PKD1L1: variants seen among roughly 807,000 people sequenced by gnomAD.
The protein encoded by PKD1L1 is polycystin 1 like 1, transient receptor potential channel interacting.
A neutral mutation model predicts 323.4 loss-of-function variants in PKD1L1; 236 were observed. The observed-to-expected ratio is 0.73, with a 90% confidence interval of 0.66 to 0.81. The LOEUF (loss-of-function observed/expected upper bound fraction) is 0.81, where lower values mean the gene tolerates loss of function less well. PKD1L1 is among the 40% of genes least tolerant of loss of function. The probability of loss-of-function intolerance (pLI) is 0.00; values close to 1 mark genes in which losing one functional copy is unlikely to be tolerated. For missense variants in PKD1L1, 3,320 were observed against 3,508.0 expected, an observed-to-expected ratio of 0.95 and a Z score of 1.35; for synonymous variants, 1,344 against 1,335.0, an observed-to-expected ratio of 1.01 and a Z score of -0.15.
Position 47,943,385 on chromosome 7 carries a change from C to A in PKD1L1, c.160+11G>T, listed in dbSNP as rs764105654. Reference sequence around the variant, plus strand: ...ATCATGGTGGCCATGCCTCCTTCCCCAAGGCCTTACCGACCCACAATCCAC... The same window carrying A: ...ATCATGGTGGCCATGCCTCCTTCCCAAAGGCCTTACCGACCCACAATCCAC... On this transcript the variant is annotated intron_variant, in intron 2 of 56. Transcript: ENST00000289672. 1 of 1,609,316 alleles carries A rather than the reference C, an allele frequency of 6.2e-7. No homozygotes were observed. The highest frequency in any genetic ancestry group is 8.5e-7 in the Non-Finnish European group (1 of 1,176,390).
rs1473753103 is a variant in PKD1L1 at position 47,808,281 on chromosome 7, A to T, written c.7793T>A (p.Phe2598Tyr). 2 of 1,614,014 alleles carry T rather than the reference A, an allele frequency of 1.2e-6. No individual in the cohort carries two copies. Among genetic ancestry groups the T allele is most frequent in the Non-Finnish European group, 1.7e-6 (2 of 1,180,042 alleles). ...NQFHRGLCRA[F>Y]MDLTLMASWN... ...TGATGCCATAAGGGTGAGGTCCATA[A>T]ATGCTCGGCAAAGTCCTCTGTGAAA... Residue 2598 changes from phenylalanine to tyrosine, a missense_variant, in exon 52 of 57, where the codon TTT becomes TAT. By Grantham distance (22) the Phe-to-Tyr change is conservative (BLOSUM62 3). Transcript: ENST00000289672.
chr7:47,880,582 C>T, intron 21 of PKD1L1, 146 bp downstream of exon 21: 1 of 357,648 alleles, frequency 2.8e-6, no homozygotes. Context: ...GTGCCCAGCC[C>T]TATATATATG....
chr7:47,891,764 G>A (rs1360325036), intron 15 of PKD1L1, among the ~76,000 whole-genome samples: 2 of 152,220 alleles, frequency 1.3e-5, no homozygotes, highest in Non-Finnish European at 2.9e-5. Context: ...CACACATGGA[G>A]CTCTTGTTTT....
In PKD1L1 at chr7:47,885,886, G is replaced by A; in HGVS notation, c.3005C>T (p.Thr1002Ile). Residue 1002 changes from threonine (T) to isoleucine (I), a missense_variant, in exon 18 of 57, where the codon ACT (threonine) becomes ATT (isoleucine). Thr to Ile is a moderately conservative substitution (Grantham distance 89). Coordinates refer to ENST00000289672, the MANE Select transcript of PKD1L1 (RefSeq NM_138295.5). ...PSPVTLGQPA[T>I]SAPRGTPTEP... is the part of the protein sequence containing the mutation. ...TGTGGGGGTTCCCCTTGGAGCTGAAGTGGCAGGTTGGCCAAGGGTCACGGG... is the reference window on the plus strand; with the variant it reads ...TGTGGGGGTTCCCCTTGGAGCTGAAATGGCAGGTTGGCCAAGGGTCACGGG... 6.2e-7 allele frequency: 1 copy of A among 1,614,208 alleles called. No homozygotes were observed. The highest frequency in any genetic ancestry group is 1.1e-5 in the South Asian group (1 of 91,078).
chr7:47,798,854 G>A (rs961991054), intron 54 of PKD1L1, among the ~76,000 whole-genome samples: 1 of 151,756 alleles, frequency 6.6e-6, no homozygotes, highest in Non-Finnish European at 1.5e-5. Context: ...CAATTCATTT[G>A]AGCCAGGACA....
chr7:47,938,198 C>T (rs1787908475), intron 3 of PKD1L1, among the ~76,000 whole-genome samples: 1 of 152,160 alleles, frequency 6.6e-6, no homozygotes, highest in Non-Finnish European at 1.5e-5. Context: ...ATGTGCGCTC[C>T]CTGTGCTGTG....
In PKD1L1 at chr7:47,845,096, A is replaced by T. The variant is rs893591038; in HGVS notation, c.5154-18T>A. The T allele has an allele frequency of 1.9e-6, 3 of 1,606,134 alleles. No homozygotes were observed. The African/African-American group carries it at 4.0e-5, about 21-fold the overall frequency. On this transcript the variant is annotated intron_variant, in intron 32 of 56. Transcript: ENST00000289672. ...GATGGTAGCTAGGAGGGAAATGCGG[A>T]TGAGGATACAGAATGTGTGGAGAGA... is the stretch of plus-strand genomic sequence containing the variant.
chr7:47,797,308 G>A (rs1784565208), intron 54 of PKD1L1, among the ~76,000 whole-genome samples: 1 of 152,256 alleles, frequency 6.6e-6, no homozygotes, highest in African/African-American at 2.4e-5. Flanking sequence ...CATGAAGTAT[G>A]AGGGAGTTCC....
In PKD1L1 at chr7:47,815,442, G is replaced by T; in HGVS notation, c.6981C>A (p.Cys2327Ter). 1 of 1,613,464 alleles carries T rather than the reference G, an allele frequency of 6.2e-7. No homozygotes were observed. Among genetic ancestry groups the T allele is most frequent in the African/African-American group, 1.3e-5 (1 of 74,920 alleles). Residue 2327 changes from cysteine (C) to a stop codon, truncating the protein, a stop_gained, in exon 47 of 57, where the codon TGC becomes TGA. Coordinates refer to ENST00000289672, the MANE Select transcript of PKD1L1 (RefSeq NM_138295.5). LOFTEE classifies it high-confidence loss of function. The part of the protein sequence containing the change: ...RKEFTRNARN[C>*]LGGLRNIADW... ...CAGCGATGTTTCTCAGGCCACCCAA[G>T]CAGTTTCTGGCATTTCTTAATGCAA...
rs1787407398 is a variant in PKD1L1, at chr7:47,915,456, C to G, written c.1204G>C (p.Glu402Gln). 1 of 1,006,662 alleles carries G rather than the reference C, an allele frequency of 9.9e-7. No homozygotes were observed. Among genetic ancestry groups the G allele is most frequent in the Non-Finnish European group, 1.6e-6 (1 of 625,000 alleles). The allele number at this position is 1,006,662 out of a possible 1,614,324, so 62.4% of individuals were successfully genotyped here. A position where few individuals can be genotyped will look rare whatever the true frequency, so the allele number is the denominator to read the frequency against. The change falls in exon 8 of 57, where the codon GAG becomes CAG. Residue 402 changes from glutamate to glutamine, a missense_variant. By Grantham distance (29) the Glu-to-Gln change is conservative. Coordinates refer to ENST00000289672, the MANE Select transcript of PKD1L1 (RefSeq NM_138295.5). The part of the protein sequence containing the change: ...EDSDPSNLGY[E>Q]LISAFVTKGV... Reference sequence around the variant, plus strand: ...CTGGTGACAAAGGCAGAAATAAGCTCATATCCAAGGTTACTGGGGTCTGAG... The same window carrying G: ...CTGGTGACAAAGGCAGAAATAAGCTGATATCCAAGGTTACTGGGGTCTGAG...
chr7:47,811,870 A>C lies in PKD1L1; in HGVS notation c.7528T>G (p.Phe2510Val), dbSNP rs1411759253. ...SLVPSSLVES[F>V]SIFRSDSALQ... Reference sequence around the variant, plus strand: ...GCTGAGTCGCTGCGGAAGATGCTGAATGACTCCACCAGGGATGAGGGGACG... The same window carrying C: ...GCTGAGTCGCTGCGGAAGATGCTGACTGACTCCACCAGGGATGAGGGGACG... Residue 2510 changes from phenylalanine to valine, a missense_variant, in exon 50 of 57, where the codon TTC becomes GTC. Physicochemically the swap from Phe to Val is conservative, Grantham distance 50. Transcript: ENST00000289672. The C allele has an allele frequency of 1.2e-6, 2 of 1,611,184 alleles. No homozygotes were observed. The highest frequency in any genetic ancestry group is 3.3e-5 in the Admixed American group (2 of 59,742).
intron 54 of PKD1L1, among the ~76,000 whole-genome samples, chr7:47,796,576 C>G (rs1784539522): frequency 6.6e-6 from 1 of 152,162 alleles, no homozygotes. Context: ...GTTGTGCCCT[C>G]AACATGTGCT....
intron 12 of PKD1L1, among the ~76,000 whole-genome samples, chr7:47,903,357 G>C (rs1787131671): frequency 6.6e-6 from 1 of 152,192 alleles, no homozygotes; most frequent in Non-Finnish European, 1.5e-5. Flanking sequence ...GATGACAGTG[G>C]AGGCACCGAA....
chr7:47,815,069 C>G lies in PKD1L1; in HGVS notation c.7089+265G>C, dbSNP rs17131825. On this transcript the variant is annotated intron_variant, in intron 47 of 56. Coordinates refer to ENST00000289672, the MANE Select transcript of PKD1L1 (RefSeq NM_138295.5). ...GGGCTCCTGAGGCTCTGCCATAGCC[C>G]TTGTGTCTATCTCAGGCCTGGGAAG... Among the ~76,000 whole-genome samples the G allele has an allele frequency of 0.14, 21,524 of 152,076 alleles. 1,766 individuals are homozygous for G. Among genetic ancestry groups the G allele is most frequent in the African/African-American group, 0.21 (8,804 of 41,446 alleles).
Position 47,833,228 on chromosome 7 carries a change from C to T in PKD1L1, c.6199G>A (p.Gly2067Arg), listed in dbSNP as rs1785385562. The change falls in exon 41 of 57, where the codon GGG becomes AGG. Residue 2067 changes from glycine to arginine, a missense_variant. Gly to Arg is a moderately radical substitution (Grantham distance 125). Coordinates refer to ENST00000289672, the MANE Select transcript of PKD1L1 (RefSeq NM_138295.5). ...RKQPASAILS[G>R]SGRAQRKAAS... ...GCCTTCCTTTGGGCCCTGCCACTCC[C>T]AGAGAGAATGGCTGATGCAGGTTGC... 4 of 1,613,048 alleles carry T rather than the reference C, an allele frequency of 2.5e-6. No homozygotes were observed. The highest frequency in any genetic ancestry group is 3.4e-6 in the Non-Finnish European group (4 of 1,179,504).
At chr7:47,892,931 G>A (rs2128749072) in intron 15 of PKD1L1, among the ~76,000 whole-genome samples, 1 of 152,206 alleles carries the variant, frequency 6.6e-6, no homozygotes, top group South Asian at 2.1e-4. Context: ...AAAGATGCTG[G>A]TAAAGATTTT....
In PKD1L1 at chr7:47,822,527, G is replaced by T. The variant is rs556375883; in HGVS notation, c.6855-1341C>A. 4.0e-5 allele frequency among the ~76,000 whole-genome samples: 6 copies of T among 150,154 alleles called. No individual in the cohort carries two copies. The East Asian group carries it at 1.2e-3, about 30-fold the overall frequency. ...GGAGAACAGCTCAAACTCGGGAGGC[G>T]GAGGTTGCAGTGAGCCGAGATCGCG... On this transcript the variant is annotated intron_variant, in intron 45 of 56. Coordinates refer to ENST00000289672, the MANE Select transcript of PKD1L1 (RefSeq NM_138295.5).
At chr7:47,835,291 G>A (rs181516119) in intron 37 of PKD1L1, 48 bp from the exon 38 acceptor site, 9 of 1,196,468 alleles carry the variant, frequency 7.5e-6, no homozygotes, top group Admixed American at 5.4e-5. Context: ...TATGAGTCCC[G>A]CTTAAAACGC....
At position 47,811,511 on chromosome 7, in the gene PKD1L1, C is replaced by T. The variant is rs1389718484; in HGVS notation, c.7581+306G>A. Among the ~76,000 whole-genome samples, 6 of 152,206 alleles carry T rather than the reference C, an allele frequency of 3.9e-5. No homozygotes were observed. In the East Asian group the frequency reaches 1.2e-3, roughly 29 times the overall value. On this transcript the variant is annotated intron_variant, in intron 50 of 56. Coordinates refer to ENST00000289672, the MANE Select transcript of PKD1L1 (RefSeq NM_138295.5). ...GGCTATTCTGTTACAGCAGCCTGAG[C>T]TAAATCCCTGGGGGGATCTAAACAT...
Sources: gnomAD v4.1 joint callset for allele counts (sites outside exome capture counted in the v4.1 genomes callset) on GRCh38, gnomAD v4.1.1 for gene constraint, MANE v1.5 for transcripts, NCBI Gene and HGNC (gene_info 2026-07-23, HGNC 2026-07-21) for gene names.